The following CADPS2 variants were observed in gnomAD, a reference collection of about 807,000 sequenced individuals.
CADPS2 encodes the protein calcium-dependent secretion activator 2.
Under a neutral mutation model 172.5 loss-of-function variants are expected in CADPS2, and 93 were observed. The ratio of observed to expected loss-of-function variants is 0.54; its 90% CI spans 0.46 to 0.64. The LOEUF is 0.64. Among genes scored for constraint, CADPS2 ranks in the 30% least tolerant of loss-of-function variants. CADPS2 has a pLI of 0.00. For synonymous variants in CADPS2, 546 were observed against 555.2 expected (o/e 0.98, Z 0.23); for missense variants, 1,420 against 1,565.9 (o/e 0.91, Z 1.57).
intron 20 of CADPS2, among the ~76,000 whole-genome samples, chr7:122,396,179 C>A (rs1179770640): frequency 6.6e-6 from 1 of 152,066 alleles, no homozygotes; most frequent in African/African-American, 2.4e-5. Context: ...TGTTTAAGAT[C>A]ATTTAGTCAT....
chr7:122,396,890 C>T (rs918866132), intron 20 of CADPS2, among the ~76,000 whole-genome samples: 6 of 152,098 alleles, frequency 3.9e-5, no homozygotes, highest in African/African-American at 1.4e-4. Context: ...CCAGAAAAGT[C>T]CCTGGCTCAG....
rs867467968 is a variant in CADPS2, at chr7:122,795,510, T to C, written c.340-58442A>G. Among the ~76,000 whole-genome samples, 14 of 152,244 alleles carry C rather than the reference T, an allele frequency of 9.2e-5. No individual in the cohort carries two copies. In the South Asian group the frequency reaches 1.0e-3, roughly 11 times the overall value. On this transcript the variant is annotated intron_variant, in intron 1 of 29. Coordinates refer to ENST00000449022, the MANE Select transcript of CADPS2 (RefSeq NM_017954.11). Reference sequence around the variant, plus strand: ...ATCCGGCATCACTTCAAGAAGCTTATCCACCATGATCAAGCCAGCTTTTTC... The same window carrying C: ...ATCCGGCATCACTTCAAGAAGCTTACCCACCATGATCAAGCCAGCTTTTTC...
intron 19 of CADPS2, chr7:122,412,797 C>T (rs1340283423): frequency 6.6e-6 from 1 of 152,212 alleles, no homozygotes; most frequent in African/African-American, 2.4e-5. Context: ...CGCACTCCAT[C>T]CATCCCCCTT....
At chr7:122,516,415 G>C (rs766306929) in intron 8 of CADPS2, among the ~76,000 whole-genome samples, 1 of 152,020 alleles carries the variant, frequency 6.6e-6, no homozygotes, top group Non-Finnish European at 1.5e-5. Flanking sequence ...GTACACACTT[G>C]TCTTTGCTAC....
intron 7 of CADPS2, among the ~76,000 whole-genome samples, chr7:122,555,725 A>C (rs559085106): frequency 4.7e-4 from 72 of 152,238 alleles, no homozygotes; most frequent in Non-Finnish European, 8.2e-4. Flanking sequence ...TTTTACTTTA[A>C]TATAACAAAA....
At chr7:122,541,715 A>G (rs551214355) in intron 8 of CADPS2, among the ~76,000 whole-genome samples, 3 of 145,706 alleles carry the variant, frequency 2.1e-5, no homozygotes, top group East Asian at 2.0e-4. Flanking sequence ...TCATATATTT[A>G]CATATATTCA....
chr7:122,588,649 T>C (rs2070193449), intron 6 of CADPS2, among the ~76,000 whole-genome samples: 1 of 152,020 alleles, frequency 6.6e-6, no homozygotes, highest in Non-Finnish European at 1.5e-5. Flanking sequence ...TTGATTCTGA[T>C]ATTCTCTTGG....
chr7:122,409,580 T>C (rs765709676), intron 19 of CADPS2: 2 of 465,858 alleles, frequency 4.3e-6, no homozygotes, highest in Non-Finnish European at 9.0e-6. Context: ...CTGATGATGC[T>C]ATTCTTAATG....
rs1292221184 is a variant in CADPS2 at position 122,345,617 on chromosome 7, C to T, written c.3569G>A (p.Arg1190Gln). ...ATACATTTCCTCATTGACCTTTTCTCGAAGAATATCTTGGTTTTGCCGAAC... is the reference window on the plus strand; with the variant it reads ...ATACATTTCCTCATTGACCTTTTCTTGAAGAATATCTTGGTTTTGCCGAAC... ...MFVRQNQDILREKVNEEMYIE... is the reference protein window; with the variant it reads ...MFVRQNQDILQEKVNEEMYIE... The change falls in exon 28 of 30, where the codon CGA (arginine) becomes CAA (glutamine). Residue 1190 changes from arginine to glutamine, a missense_variant. Physicochemically the swap from Arg to Gln is conservative, Grantham distance 43. Transcript: ENST00000449022. 9 of 1,613,040 alleles carry T rather than the reference C, an allele frequency of 5.6e-6. 1 individual carries two copies. Among genetic ancestry groups the T allele is most frequent in the East Asian group, 2.2e-5 (1 of 44,840 alleles).
intron 1 of CADPS2, among the ~76,000 whole-genome samples, chr7:122,843,153 C>T (rs1228708445): frequency 6.6e-6 from 1 of 152,084 alleles, no homozygotes; most frequent in Non-Finnish European, 1.5e-5. Flanking sequence ...AGGAGCAATG[C>T]TTTCTGTGAA....
chr7:122,697,885 G>T (rs1163596960), intron 2 of CADPS2: 1 of 1,613,504 alleles, frequency 6.2e-7, no homozygotes, highest in Admixed American at 1.7e-5. Flanking sequence ...TTTATCTGAG[G>T]TTCCTGCAGG....
intron 28 of CADPS2, among the ~76,000 whole-genome samples, chr7:122,336,006 C>T (rs937308821): frequency 2.0e-5 from 3 of 152,088 alleles, no homozygotes; most frequent in African/African-American, 7.2e-5. Flanking sequence ...ATATTTTGTC[C>T]ATATTAAGAC....
chr7:122,480,822 T>C, intron 12 of CADPS2, 30 bp downstream of exon 12: 1 of 1,464,938 alleles, frequency 6.8e-7, no homozygotes, highest in Admixed American at 2.1e-5. Context: ...TTTTAAAACA[T>C]CTAATTTTAA....
chr7:122,635,956 T>G (rs977265469), intron 3 of CADPS2, among the ~76,000 whole-genome samples: 1 of 152,204 alleles, frequency 6.6e-6, no homozygotes, highest in Non-Finnish European at 1.5e-5. Context: ...ATTTGCATGA[T>G]AGATCTTTCT....
At chr7:122,645,488 G>GTA (rs201796821) in intron 3 of CADPS2, among the ~76,000 whole-genome samples, 1 of 94,296 alleles carries the variant, frequency 1.1e-5, no homozygotes, top group African/African-American at 4.2e-5. Flanking sequence ...TATATTTAGC[G>GTA]TATATATATA....
At chr7:122,690,407 C>T (rs1159658251) in intron 2 of CADPS2, among the ~76,000 whole-genome samples, 1 of 152,096 alleles carries the variant, frequency 6.6e-6, no homozygotes, top group Non-Finnish European at 1.5e-5. Flanking sequence ...TGGCCGTTCC[C>T]CTACGAACGG....
At chr7:122,455,536 C>A (rs965738621) in intron 14 of CADPS2, among the ~76,000 whole-genome samples, 3 of 151,670 alleles carry the variant, frequency 2.0e-5, no homozygotes, top group Non-Finnish European at 4.4e-5. Context: ...TGCTAGAACA[C>A]CAGATGGCAT....
chr7:122,723,513 A>G (rs1305699967), intron 2 of CADPS2, among the ~76,000 whole-genome samples: 3 of 152,216 alleles, frequency 2.0e-5, no homozygotes, highest in African/African-American at 7.2e-5. Flanking sequence ...GCAATCATTA[A>G]AAAGTCAGGA....
chr7:122,614,703 G>A (rs761298820), intron 6 of CADPS2, among the ~76,000 whole-genome samples: 9 of 152,078 alleles, frequency 5.9e-5, no homozygotes, highest in African/African-American at 1.7e-4. Flanking sequence ...TCTGAATATC[G>A]TGCGGTAGTC....
Sources: allele counts gnomAD v4.1 joint callset (sites outside exome capture counted in the v4.1 genomes callset), GRCh38; gene constraint gnomAD v4.1.1; transcripts MANE v1.5; gene names NCBI Gene and HGNC (gene_info 2026-07-23, HGNC 2026-07-21).